Variants in MAD1L1 observed in about 807,000 individuals in gnomAD.
MAD1L1 encodes the protein mitotic spindle assembly checkpoint protein MAD1.
In MAD1L1, 95 loss-of-function variants were observed where a neutral mutation model predicts 96.9. The ratio of observed to expected loss-of-function variants is 0.98; its 90% CI spans 0.83 to 1.16. MAD1L1 has a LOEUF of 1.16. Ranked by LOEUF, MAD1L1 falls within the 50% of genes most tolerant of loss-of-function variation. MAD1L1 has a pLI of 0.00. For missense variants in MAD1L1, 1,007 were observed against 954.4 expected, an observed-to-expected ratio of 1.06 and a Z score of -0.73; for synonymous variants, 473 against 396.6, an observed-to-expected ratio of 1.19 and a Z score of -2.29.
In MAD1L1 at chr7:1,902,614, C is replaced by T. The variant is rs1044197628; in HGVS notation, c.1808-4224G>A. ...CTGCCTGTCCACTTCCGCCCTTCCC[C>T]GGGGCCTGAGCTATACCCACGCAGA... is the stretch of plus-strand genomic sequence containing the variant. On this transcript the variant is annotated intron_variant, in intron 17 of 18. Transcript: ENST00000265854. Among the ~76,000 whole-genome samples, 6 of 152,374 alleles carry T rather than the reference C, an allele frequency of 3.9e-5. No homozygotes were observed. The East Asian group carries it at 5.8e-4, about 15-fold the overall frequency.
chr7:2,125,026 G>C (rs528465368), intron 11 of MAD1L1, among the ~76,000 whole-genome samples: 166 of 152,292 alleles, frequency 1.1e-3, no homozygotes, highest in African/African-American at 3.9e-3. Context: ...TGCATCCCGG[G>C]CCCCTTCCCT....
At chr7:2,046,700 CTGCCCGCCTG>C (rs1456153283) in intron 12 of MAD1L1, among the ~76,000 whole-genome samples, 1 of 152,232 alleles carries the variant, frequency 6.6e-6, no homozygotes, top group East Asian at 1.9e-4. Context: ...GGGGTGAGCG[CTGCCCGCCTG>C]TGCCCAAGGG....
intron 12 of MAD1L1, among the ~76,000 whole-genome samples, chr7:2,056,124 C>T (rs1272482084): frequency 6.6e-6 from 1 of 152,216 alleles, no homozygotes; most frequent in Non-Finnish European, 1.5e-5. Flanking sequence ...CCTCAGCGGG[C>T]GCCACAGGGA....
intron 10 of MAD1L1, among the ~76,000 whole-genome samples, chr7:2,196,193 C>T (rs1023994999): frequency 9.2e-5 from 14 of 152,318 alleles, no homozygotes; most frequent in South Asian, 4.1e-4. Context: ...TGAGGAAGAA[C>T]GAATGAGACG....
chr7:2,229,205 C>T (rs570782725), intron 3 of MAD1L1, among the ~76,000 whole-genome samples: 3 of 152,222 alleles, frequency 2.0e-5, no homozygotes, highest in Non-Finnish European at 4.4e-5. Context: ...GGGACCGCAG[C>T]AGGGACTGGG....
chr7:2,055,504 T>C (rs1398945192), intron 12 of MAD1L1, among the ~76,000 whole-genome samples: 1 of 151,780 alleles, frequency 6.6e-6, no homozygotes. Flanking sequence ...CCACGATCTC[T>C]ACAAAAACAC....
intron 15 of MAD1L1, among the ~76,000 whole-genome samples, chr7:1,972,899 T>A (rs1270537432): frequency 6.6e-6 from 1 of 152,170 alleles, no homozygotes; most frequent in African/African-American, 2.4e-5. Flanking sequence ...CCGGGAGACC[T>A]CCTCCCCCAC....
At chr7:2,004,558 G>A (rs548108183) in intron 13 of MAD1L1, among the ~76,000 whole-genome samples, 23 of 152,336 alleles carry the variant, frequency 1.5e-4, no homozygotes, top group Middle Eastern at 3.4e-3. Context: ...GACCAACCAC[G>A]CTCTCCTGTG....
At chr7:1,938,781 GA>G (rs1778757064) in intron 16 of MAD1L1, among the ~76,000 whole-genome samples, 1 of 128,774 alleles carries the variant, frequency 7.8e-6, no homozygotes, top group African/African-American at 3.0e-5. Context: ...CACGCACACA[GA>G]GACCAGGACT....
At chr7:2,224,010 T>G (rs754450280) in intron 4 of MAD1L1, among the ~76,000 whole-genome samples, 86 of 152,172 alleles carry the variant, frequency 5.7e-4, no homozygotes, top group Admixed American at 6.5e-4. Flanking sequence ...CCCAGTCACC[T>G]GCATCCTTGG....
chr7:2,003,712 A>G (rs1010344235), intron 13 of MAD1L1, among the ~76,000 whole-genome samples: 1 of 152,110 alleles, frequency 6.6e-6, no homozygotes, highest in Non-Finnish European at 1.5e-5. Flanking sequence ...AGCTCTGCCC[A>G]TGACCAGCCC....
chr7:2,019,270 G>A (rs1474432319), intron 12 of MAD1L1, among the ~76,000 whole-genome samples: 1 of 152,198 alleles, frequency 6.6e-6, no homozygotes, highest in Non-Finnish European at 1.5e-5. Context: ...CAGAGGCTGG[G>A]AGAGGCAGGA....
intron 10 of MAD1L1, among the ~76,000 whole-genome samples, chr7:2,181,801 A>C (rs570601843): frequency 2.7e-5 from 4 of 149,226 alleles, no homozygotes; most frequent in South Asian, 4.5e-4. Context: ...TGGATAAAGA[A>C]AATGTGGTCT....
intron 11 of MAD1L1, among the ~76,000 whole-genome samples, chr7:2,121,033 C>T (rs540440342): frequency 1.1e-4 from 16 of 152,158 alleles, no homozygotes; most frequent in Non-Finnish European, 2.4e-4. Flanking sequence ...CAAGTGGAGT[C>T]GCACGGTGAC....
Position 2,225,479 on chromosome 7 carries a change from C to T in MAD1L1, c.222G>A (p.Met74Ile). The change falls in exon 4 of 19, where the codon ATG (methionine) becomes ATA (isoleucine). Residue 74 changes from methionine (M) to isoleucine (I), a missense_variant. Transcript: ENST00000265854. ...CTCGAGCCCTCTTGTGACTCAGCTCCATCTGCATTTTCTCCCGCTCCACCT... is the reference window on the plus strand; with the variant it reads ...CTCGAGCCCTCTTGTGACTCAGCTCTATCTGCATTTTCTCCCGCTCCACCT... Reference protein sequence around the residue: ...LIQVEREKMQMELSHKRARVE... With the variant: ...LIQVEREKMQIELSHKRARVE... 1.9e-6 allele frequency: 3 copies of T among 1,614,198 alleles called. No homozygotes were observed. Among genetic ancestry groups the T allele is most frequent in the Non-Finnish European group, 2.5e-6 (3 of 1,180,034 alleles).
intron 15 of MAD1L1, among the ~76,000 whole-genome samples, chr7:1,965,142 C>G (rs1780108900): frequency 6.6e-6 from 1 of 152,228 alleles, no homozygotes; most frequent in South Asian, 2.1e-4. Flanking sequence ...TTCCCTTGAA[C>G]AACGGGTGTG....
chr7:2,004,949 C>T (rs764272378), intron 13 of MAD1L1, among the ~76,000 whole-genome samples: 32 of 152,228 alleles, frequency 2.1e-4, no homozygotes, highest in Non-Finnish European at 2.2e-4. Flanking sequence ...AAGCCACAGT[C>T]GCTGGCGAAA....
At chr7:2,089,628 G>C (rs759898295) in intron 11 of MAD1L1, among the ~76,000 whole-genome samples, 1 of 151,666 alleles carries the variant, frequency 6.6e-6, no homozygotes, top group Non-Finnish European at 1.5e-5. Context: ...CACGTGCATC[G>C]TGTTTAATCA....
chr7:2,224,851 T>C (rs752620074), intron 4 of MAD1L1, among the ~76,000 whole-genome samples: 1 of 152,106 alleles, frequency 6.6e-6, no homozygotes, highest in African/African-American at 2.4e-5. Flanking sequence ...AGAGCCGCCA[T>C]TGAGACCGGC....
Sources: allele counts gnomAD v4.1 joint callset (sites outside exome capture counted in the v4.1 genomes callset), GRCh38; gene constraint gnomAD v4.1.1; transcripts MANE v1.5; gene names NCBI Gene and HGNC (gene_info 2026-07-23, HGNC 2026-07-21).